The following USP54 variants were observed in gnomAD, a reference collection of about 807,000 sequenced individuals.
USP54 encodes the protein ubiquitin carboxyl-terminal hydrolase 54.
A neutral mutation model predicts 170.5 loss-of-function variants in USP54; 87 were observed. The ratio of observed to expected loss-of-function variants is 0.51; its 90% CI spans 0.43 to 0.61. The LOEUF is 0.61. USP54 is among the 20% of genes least tolerant of loss of function. USP54 has a pLI of 0.00. For missense variants in USP54, 1,786 were observed against 2,047.8 expected (o/e 0.87, Z 2.47); for synonymous variants, 655 against 742.8 (o/e 0.88, Z 1.92).
chr10:73,576,684 C>G (rs1189416393), intron 1 of USP54, among the ~76,000 whole-genome samples: 1 of 152,074 alleles, frequency 6.6e-6, no homozygotes, highest in Admixed American at 6.5e-5. Flanking sequence ...AACAAATCAC[C>G]AAGTAAGCAC....
intron 4 of USP54, among the ~76,000 whole-genome samples, chr10:73,563,460 G>A (rs2073544574): frequency 6.6e-6 from 1 of 151,872 alleles, no homozygotes; most frequent in Admixed American, 6.6e-5. Flanking sequence ...TTATTGATAT[G>A]GAGTTTCGCT....
chr10:73,544,656 A>T lies in USP54; in HGVS notation c.375+882T>A, dbSNP rs151294417. ...ATCCAGTTCCTCAGGAGCACCTCTG[A>T]TTTGGGGCCACATTTTACCCTGTGA... is the stretch of plus-strand genomic sequence containing the variant. On this transcript the variant is annotated intron_variant, in intron 5 of 23. Transcript: ENST00000687698. Among the ~76,000 whole-genome samples, 611 of 152,104 alleles carry T rather than the reference A, an allele frequency of 4.0e-3. 2 individuals are homozygous for T. Among genetic ancestry groups the T allele is most frequent in the Non-Finnish European group, 6.8e-3 (460 of 67,972 alleles).
chr10:73,532,680 T>C (rs1385822295), intron 12 of USP54, among the ~76,000 whole-genome samples: 1 of 152,130 alleles, frequency 6.6e-6, no homozygotes, highest in Non-Finnish European at 1.5e-5. Context: ...TGACAAAACC[T>C]CTAGGTCCAA....
intron 4 of USP54, among the ~76,000 whole-genome samples, chr10:73,549,181 C>T (rs1204562513): frequency 6.6e-6 from 1 of 152,172 alleles, no homozygotes; most frequent in African/African-American, 2.4e-5. Context: ...CTTTTCAATT[C>T]CAAAACTCAG....
intron 4 of USP54, among the ~76,000 whole-genome samples, chr10:73,569,175 G>A (rs902386249): frequency 6.6e-6 from 1 of 151,986 alleles, no homozygotes; most frequent in Non-Finnish European, 1.5e-5. Flanking sequence ...CCCCAAACAC[G>A]TTTTTTTGTT....
At chr10:73,532,625 G>A (rs1222110845) in intron 12 of USP54, among the ~76,000 whole-genome samples, 1 of 152,132 alleles carries the variant, frequency 6.6e-6, no homozygotes, top group African/African-American at 2.4e-5. Flanking sequence ...ACTCACACCT[G>A]ACACAATCAA....
intron 4 of USP54, among the ~76,000 whole-genome samples, chr10:73,567,559 C>A (rs1161839106): frequency 2.0e-5 from 3 of 152,116 alleles, no homozygotes; most frequent in African/African-American, 7.2e-5. Flanking sequence ...GTAATCCCAG[C>A]TACTCGGGAG....
At chr10:73,523,251 C>T (rs117097625) in intron 17 of USP54, among the ~76,000 whole-genome samples, 1 of 152,228 alleles carries the variant, frequency 6.6e-6, no homozygotes. Flanking sequence ...ATTCCCCTCA[C>T]TGTCAGTGTG....
At chr10:73,520,139 G>A in intron 18 of USP54, 147 bp from the exon 19 acceptor site, 1 of 1,140,192 alleles carries the variant, frequency 8.8e-7, no homozygotes, top group South Asian at 1.6e-5. Flanking sequence ...TGCATATGCT[G>A]TCCAGGGCAC....
chr10:73,530,260 T>C lies in USP54; in HGVS notation c.1711A>G (p.Lys571Glu), dbSNP rs2133396438. 1 of 1,614,194 alleles carries C rather than the reference T, an allele frequency of 6.2e-7. No homozygotes were observed. The highest frequency in any genetic ancestry group is 8.5e-7 in the Non-Finnish European group (1 of 1,180,036). ...TTGGGTCTCCATGTGGGACGATACTTGCTGGAAGAACTGGATTTTGACTCA... is the reference window on the plus strand; with the variant it reads ...TTGGGTCTCCATGTGGGACGATACTCGCTGGAAGAACTGGATTTTGACTCA... ...SSESKSSSSS[K>E]YRPTWRPKRE... The change falls in exon 14 of 24, where the codon AAG becomes GAG. Residue 571 changes from lysine to glutamate, a missense_variant. Around this residue, in one of 3 missense-constraint regions of USP54, gnomAD observed 1,418 missense variants for 1,569.0 expected, o/e 0.90. Coordinates refer to ENST00000687698, the MANE Select transcript of USP54 (RefSeq NM_001391956.1).
chr10:73,501,410 T>C (rs1169400733), intron 22 of USP54, among the ~76,000 whole-genome samples: 4 of 152,154 alleles, frequency 2.6e-5, no homozygotes, highest in Non-Finnish European at 5.9e-5. Context: ...TACCCAGAAA[T>C]ATTCCCCTTT....
At chr10:73,502,782 C>G (rs2058394075) in intron 22 of USP54, among the ~76,000 whole-genome samples, 1 of 152,134 alleles carries the variant, frequency 6.6e-6, no homozygotes, top group South Asian at 2.1e-4. Context: ...TCTTCTCTTT[C>G]TGCAAGTCTT....
intron 1 of USP54, among the ~76,000 whole-genome samples, chr10:73,587,390 G>C (rs972932241): frequency 1.3e-5 from 2 of 152,112 alleles, no homozygotes; most frequent in African/African-American, 4.8e-5. Context: ...CAGGAGAATG[G>C]CGTGAACCTG....
rs200970566 is a variant in USP54 at position 73,510,451 on chromosome 10, C to CTTT, written c.4052-5028_4052-5026dup. On this transcript the variant is annotated intron_variant, in intron 20 of 23. Coordinates refer to ENST00000687698, the MANE Select transcript of USP54 (RefSeq NM_001391956.1). ...CTGGAGGGTTATTATAACATTTATTCTTTTTTTTTTTTTTTTGAGATGGCA... is the reference window on the plus strand; with the variant it reads ...CTGGAGGGTTATTATAACATTTATTCTTTTTTTTTTTTTTTTTTTGAGATGGCA... Among the ~76,000 whole-genome samples, 409 of 139,594 alleles carry CTTT rather than the reference C, an allele frequency of 2.9e-3. 2 individuals carry two copies. Among genetic ancestry groups the CTTT allele is most frequent in the African/African-American group, 0.01 (390 of 38,222 alleles). The allele number at this position is 139,594 out of a possible 152,430, so 91.6% of individuals were successfully genotyped here. A position where few individuals can be genotyped will look rare whatever the true frequency, so the allele number is the denominator to read the frequency against.
chr10:73,528,869 G>T (rs1032015236), intron 15 of USP54, among the ~76,000 whole-genome samples: 2 of 152,104 alleles, frequency 1.3e-5, no homozygotes, highest in African/African-American at 2.4e-5. Context: ...CAGTAAAATG[G>T]TTACTATAAT....
At chr10:73,505,167 G>T in intron 21 of USP54, 141 bp downstream of exon 21, 1 of 1,233,560 alleles carries the variant, frequency 8.1e-7, no homozygotes, top group Non-Finnish European at 1.1e-6. Context: ...TTCAAAAGAA[G>T]CCCAATCATA....
At position 73,539,618 on chromosome 10, in the gene USP54, A is replaced by G. The variant is rs2066123795; in HGVS notation, c.826-25T>C. On this transcript the variant is annotated intron_variant, in intron 9 of 23. Coordinates refer to ENST00000687698, the MANE Select transcript of USP54 (RefSeq NM_001391956.1). ...GCTGAGGGGAAAGAAGAGAAAAGAA[A>G]GCACAGTCACATATTCAACCATTCC... 3 of 1,566,138 alleles carry G rather than the reference A, an allele frequency of 1.9e-6. No homozygotes were observed. The African/African-American group carries it at 4.0e-5, about 21-fold the overall frequency.
chr10:73,544,302 T>C lies in USP54; in HGVS notation c.376-1171A>G, dbSNP rs186887036. 4.9e-4 allele frequency among the ~76,000 whole-genome samples: 75 copies of C among 152,356 alleles called. No homozygotes were observed. The South Asian group carries it at 6.2e-3, about 13-fold the overall frequency. ...GGTCTGTCCAAGTTGTGTAAATCAATAGTTTCTTTTTATTTTTATAAAAAT... is the reference window on the plus strand; with the variant it reads ...GGTCTGTCCAAGTTGTGTAAATCAACAGTTTCTTTTTATTTTTATAAAAAT... On this transcript the variant is annotated intron_variant, in intron 5 of 23. Transcript: ENST00000687698.
Position 73,516,903 on chromosome 10 carries a change from C to G in USP54, c.3523G>C (p.Gly1175Arg). The change falls in exon 20 of 24, where the codon GGT becomes CGT. Residue 1175 changes from glycine (G) to arginine (R), a missense_variant. Gly to Arg is a moderately radical substitution (Grantham distance 125). Coordinates refer to ENST00000687698, the MANE Select transcript of USP54 (RefSeq NM_001391956.1). ...CATGGCCAGTGGCCTTTCTCTTGAC[C>G]CTGTGAGAAAGGAGGCTTAGAATCA... ...PSDSKPPFSQ[G>R]QEKGHWPWAK... 1 of 1,614,180 alleles carries G rather than the reference C, an allele frequency of 6.2e-7. No homozygotes were observed. The highest frequency in any genetic ancestry group is 1.3e-5 in the African/African-American group (1 of 75,046).
Sources: allele counts gnomAD v4.1 joint callset (sites outside exome capture counted in the v4.1 genomes callset), GRCh38; gene constraint gnomAD v4.1.1; regional missense constraint gnomAD v4.1.1; transcripts MANE v1.5; gene names NCBI Gene and HGNC (gene_info 2026-07-23, HGNC 2026-07-21).